The following ZNF142 variants were observed in gnomAD, a reference collection of about 807,000 sequenced individuals.
The protein encoded by ZNF142 is zinc finger protein 142, also known as zinc finger protein 142 (clone pHZ-49).
Under a neutral mutation model 132.1 loss-of-function variants are expected in ZNF142, and 96 were observed. That is an observed-to-expected ratio of 0.73 (90% CI 0.62 to 0.86). The LOEUF (loss-of-function observed/expected upper bound fraction) is 0.86, where lower values mean the gene tolerates loss of function less well. Among genes scored for constraint, ZNF142 ranks in the 40% least tolerant of loss-of-function variants. The probability of loss-of-function intolerance (pLI) is 0.00; values close to 1 mark genes in which losing one functional copy is unlikely to be tolerated. For missense variants in ZNF142, 2,163 were observed against 2,336.2 expected (o/e 0.93, Z 1.53); for synonymous variants, 842 against 890.1 (o/e 0.95, Z 0.96).
rs758025924 is a variant in ZNF142 at position 218,643,942 on chromosome 2, C to T, written c.3174G>A (p.Gly1058=). 1 of 1,614,112 alleles carries T rather than the reference C, an allele frequency of 6.2e-7. No homozygotes were observed. The highest frequency in any genetic ancestry group is 8.5e-7 in the Non-Finnish European group (1 of 1,179,982). Residue 1058 remains glycine, a synonymous_variant, in exon 9 of 11, where the codon GGG becomes GGA. Transcript: ENST00000411696. ...GCAGGGGCTCTCGGCGGCCTTGGCA[C>T]CCAGTCCTGGAGTGCAGATTCAGGG... ...EKALNLHSRT[G]CQGRREPLLC...
At chr2:218,639,486 T>C (rs1171151211) in intron 10 of ZNF142, among the ~76,000 whole-genome samples, 2 of 152,196 alleles carry the variant, frequency 1.3e-5, no homozygotes, top group African/African-American at 4.8e-5. Context: ...AGAGTACTCA[T>C]GGAATTCGAC....
In ZNF142 at chr2:218,637,600, C is replaced by A. The variant is rs975399584; in HGVS notation, c.*739G>T. ...TCCATAGTATCCTTGTGCTTTAACA[C>A]CTTAGTGTAGCTGCTGAGCCAGTCT... is the stretch of plus-strand genomic sequence containing the variant. On this transcript the variant is annotated 3_prime_UTR_variant, in exon 11 of 11. Transcript: ENST00000411696. 4.6e-5 allele frequency among the ~76,000 whole-genome samples: 7 copies of A among 152,164 alleles called. No homozygotes were observed. Among genetic ancestry groups the A allele is most frequent in the African/African-American group, 1.7e-4 (7 of 41,438 alleles).
intron 4 of ZNF142, among the ~76,000 whole-genome samples, chr2:218,655,202 C>T (rs180978597): frequency 8.2e-4 from 125 of 152,300 alleles, no homozygotes; most frequent in African/African-American, 3.0e-3. Context: ...CTCTTTCTTA[C>T]ATATTGCGAA....
At chr2:218,640,592 C>G (rs1697100853) in intron 10 of ZNF142, 72 bp downstream of exon 10, 2 of 1,392,856 alleles carry the variant, frequency 1.4e-6, no homozygotes, top group African/African-American at 2.8e-5. Flanking sequence ...GAACAAGGAC[C>G]AACCTTGGTA....
Sources: allele counts gnomAD v4.1 joint callset (sites outside exome capture counted in the v4.1 genomes callset), GRCh38; gene constraint gnomAD v4.1.1; transcripts MANE v1.5; gene names NCBI Gene and HGNC (gene_info 2026-07-23, HGNC 2026-07-21).